LIMK2: variants seen among roughly 807,000 people sequenced by gnomAD.
The protein encoded by LIMK2 is LIM domain kinase 2.
LIMK2 carries 35 observed loss-of-function variants against 75.7 expected under a neutral mutation model. The observed-to-expected ratio is 0.46, with a 90% CI of 0.35 to 0.61. LIMK2 has a LOEUF of 0.61. Among genes scored for constraint, LIMK2 ranks in the 20% least tolerant of loss-of-function variants. LIMK2 has a pLI of 0.00. For missense variants in LIMK2, 623 were observed against 831.0 expected (o/e 0.75, Z 3.08); for synonymous variants, 301 against 319.2 (o/e 0.94, Z 0.61).
rs139309029 is a variant in LIMK2, at chr22:31,266,852, A to G, written c.1042-132A>G. On this transcript the variant is annotated intron_variant, in intron 8 of 15. Coordinates refer to ENST00000331728, the MANE Select transcript of LIMK2 (RefSeq NM_005569.4). ...TTGCTCCACGCTGCATCTTCCACAC[A>G]TGAACTCTGTCATTCTGACCCGGCT... The G allele has an allele frequency of 1.7e-3, 1,143 of 679,990 alleles. 6 individuals carry two copies. The African/African-American group carries it at 0.018, about 11-fold the overall frequency. 42.1% of individuals were successfully genotyped at this position (679,990 alleles called of 1,614,324 possible). A position where few individuals can be genotyped will look rare whatever the true frequency, so the allele number is the denominator to read the frequency against.
chr22:31,246,854 C>G (rs1343179140), intron 2 of LIMK2, among the ~76,000 whole-genome samples: 2 of 151,944 alleles, frequency 1.3e-5, no homozygotes, highest in Non-Finnish European at 2.9e-5. Context: ...ATTTCCTAAT[C>G]TGTTAAATGA....
chr22:31,244,564 C>G (rs2048650025), intron 2 of LIMK2, among the ~76,000 whole-genome samples: 1 of 152,080 alleles, frequency 6.6e-6, no homozygotes, highest in South Asian at 2.1e-4. Flanking sequence ...TGACCTCCTG[C>G]TCAAGAGTTT....
chr22:31,265,315 G>A (rs906210638), intron 7 of LIMK2, among the ~76,000 whole-genome samples: 2 of 151,798 alleles, frequency 1.3e-5, no homozygotes, highest in Non-Finnish European at 2.9e-5. Flanking sequence ...GCAGTGAGCC[G>A]AGATCGTGCC....
At chr22:31,235,231 T>C (rs1330636837) in intron 2 of LIMK2, among the ~76,000 whole-genome samples, 1 of 152,112 alleles carries the variant, frequency 6.6e-6, no homozygotes, top group Non-Finnish European at 1.5e-5. Context: ...CCAAGAGATA[T>C]GATGTAAGTC....
intron 13 of LIMK2, chr22:31,273,162 A>G: frequency 2.3e-6 from 1 of 425,780 alleles, no homozygotes; most frequent in Non-Finnish European, 3.1e-6. Flanking sequence ...GCCTAGGAGC[A>G]TACAGCTGCC....
chr22:31,259,279 C>T (rs971426630), intron 4 of LIMK2, 49 bp downstream of exon 4: 15 of 1,202,474 alleles, frequency 1.2e-5, no homozygotes, highest in Non-Finnish European at 1.7e-5. Flanking sequence ...GAGTGGCTGG[C>T]GGGGAGGGAC....
In LIMK2 at chr22:31,225,758, A is replaced by T. The variant is rs770871986; in HGVS notation, c.55A>T (p.Ile19Phe). Residue 19 changes from isoleucine (I) to phenylalanine (F), a missense_variant, in exon 2 of 16, where the codon ATT becomes TTT. Transcript: ENST00000331728. ...VWRCPGCGDH[I>F]APSQIWYRTV... ...GAGGTGTCCAGGCTGTGGGGACCAC[A>T]TTGCTCCAAGCCAGATATGGTACAG... 7.4e-6 allele frequency: 12 copies of T among 1,613,984 alleles called. No individual in the cohort carries two copies. Among genetic ancestry groups the T allele is most frequent in the Admixed American group, 1.7e-5 (1 of 59,990 alleles).
chr22:31,235,670 A>G (rs1030938379), intron 2 of LIMK2, among the ~76,000 whole-genome samples: 3 of 152,212 alleles, frequency 2.0e-5, no homozygotes, highest in Non-Finnish European at 2.9e-5. Context: ...GTTTTCTTAA[A>G]TTGTATATTT....
At chr22:31,271,047 G>A (rs2048951124) in intron 11 of LIMK2, 89 bp from the exon 12 acceptor site, 1 of 1,217,782 alleles carries the variant, frequency 8.2e-7, no homozygotes, top group Admixed American at 1.7e-5. Context: ...GGCATGGCCT[G>A]GTAGGAGAGC....
chr22:31,266,885 C>A (rs2048901599), intron 8 of LIMK2, 99 bp from the exon 9 acceptor site: 1 of 793,258 alleles, frequency 1.3e-6, no homozygotes, highest in East Asian at 2.8e-5. Flanking sequence ...GCTCAGTGTG[C>A]CCTCCAAGGG....
chr22:31,270,548 G>A (rs959410554), intron 11 of LIMK2, among the ~76,000 whole-genome samples: 4 of 152,200 alleles, frequency 2.6e-5, no homozygotes, highest in Admixed American at 1.3e-4. Flanking sequence ...CCTGAGAGTG[G>A]TAAGAGTCAG....
chr22:31,247,319 A>G (rs1050972211), intron 2 of LIMK2, among the ~76,000 whole-genome samples: 1 of 152,152 alleles, frequency 6.6e-6, no homozygotes, highest in Non-Finnish European at 1.5e-5. Flanking sequence ...CATCGTCACA[A>G]CTGGGGGCTG....
In LIMK2 at chr22:31,275,195, A is replaced by T; in HGVS notation, c.1659A>T (p.Thr553=). Reference sequence around the variant, plus strand: ...CAGATCCTGACTGCCTTCCCCGAACACTGGACTTTGGCCTCAACGTGAAGC... The same window carrying T: ...CAGATCCTGACTGCCTTCCCCGAACTCTGGACTTTGGCCTCAACGTGAAGC... ...VYADPDCLPR[T]LDFGLNVKLF... Residue 553 remains threonine, a synonymous_variant, in exon 15 of 16, where the codon ACA becomes ACT. Coordinates refer to ENST00000331728, the MANE Select transcript of LIMK2 (RefSeq NM_005569.4). 3 of 1,614,144 alleles carry T rather than the reference A, an allele frequency of 1.9e-6. No individual in the cohort carries two copies. Among genetic ancestry groups the T allele is most frequent in the Non-Finnish European group, 2.5e-6 (3 of 1,180,018 alleles).
intron 2 of LIMK2, among the ~76,000 whole-genome samples, chr22:31,236,916 CAATA>C (rs2048581111): frequency 6.9e-6 from 1 of 144,910 alleles, no homozygotes; most frequent in African/African-American, 2.6e-5. Flanking sequence ...GACTCTGTCT[CAATA>C]AATAAATAAA....
At chr22:31,270,967 G>A (rs1166554065) in intron 11 of LIMK2, among the ~76,000 whole-genome samples, 169 bp from the exon 12 acceptor site, 2 of 152,208 alleles carry the variant, frequency 1.3e-5, no homozygotes, top group Non-Finnish European at 2.9e-5. Context: ...CTTCCTGTTG[G>A]TATTGGGACA....
chr22:31,231,679 G>T, intron 2 of LIMK2, among the ~76,000 whole-genome samples: 1 of 152,202 alleles, frequency 6.6e-6, no homozygotes, highest in East Asian at 1.9e-4. Flanking sequence ...AGGACCCACA[G>T]ATGTTTCACA....
chr22:31,230,383 A>T (rs1432552392), intron 2 of LIMK2, among the ~76,000 whole-genome samples: 1 of 152,140 alleles, frequency 6.6e-6, no homozygotes, highest in African/African-American at 2.4e-5. Context: ...TTGGCATGTT[A>T]GCAAGCCAGA....
At position 31,279,693 on chromosome 22, in the gene LIMK2, T is replaced by G. The variant is rs2049067060; in HGVS notation, c.*1252T>G. On this transcript the variant is annotated 3_prime_UTR_variant, in exon 16 of 16. Transcript: ENST00000331728. ...TGCCTCTTCTAAGTGTCTATGAGCTTGCACCATATTTAATAAATTGGGAAT... is the reference window on the plus strand; with the variant it reads ...TGCCTCTTCTAAGTGTCTATGAGCTGGCACCATATTTAATAAATTGGGAAT... 1 of 152,244 alleles carries G rather than the reference T, an allele frequency of 6.6e-6. No individual in the cohort carries two copies. The highest frequency in any genetic ancestry group is 1.5e-5 in the Non-Finnish European group (1 of 68,042). The allele number at this position is 152,244 out of a possible 1,614,324, so 9.4% of individuals were successfully genotyped here.
intron 15 of LIMK2, 83 bp downstream of exon 15, chr22:31,275,391 A>G: frequency 7.2e-7 from 1 of 1,394,170 alleles, no homozygotes. Context: ...GCCCTCTGCA[A>G]GCACAGGGGT....
Sources: allele counts gnomAD v4.1 joint callset (sites outside exome capture counted in the v4.1 genomes callset), GRCh38; gene constraint gnomAD v4.1.1; transcripts MANE v1.5; gene names NCBI Gene and HGNC (gene_info 2026-07-23, HGNC 2026-07-21).